The following KNOP1 variants were observed in gnomAD, a reference collection of about 807,000 sequenced individuals.
KNOP1 encodes lysine-rich nucleolar protein 1.
A neutral mutation model predicts 30.6 loss-of-function variants in KNOP1; 20 were observed. The ratio of observed to expected loss-of-function variants is 0.65; its 90% CI spans 0.46 to 0.95. The LOEUF is 0.95. Ranked by LOEUF, KNOP1 falls within the 40% of genes least tolerant of loss-of-function variation. KNOP1 has a pLI of 0.00. For synonymous variants in KNOP1, 204 were observed against 210.0 expected (o/e 0.97, Z 0.25); for missense variants, 540 against 562.0 (o/e 0.96, Z 0.40).
chr16:19,717,324 G>T lies in KNOP1; in HGVS notation c.-3+834C>A, dbSNP rs1007857821. 3 of 985,360 alleles carry T rather than the reference G, an allele frequency of 3.0e-6. No homozygotes were observed. The African/African-American group carries it at 5.2e-5, about 17-fold the overall frequency. The allele number at this position is 985,360 out of a possible 1,614,324, so 61.0% of individuals were successfully genotyped here. ...ATTTAAATAAGTGGGCAGAGATAAA[G>T]GAGCTTGCAAAGAAGAAGGTGCAAA... On this transcript the variant is annotated intron_variant, in intron 1 of 4. Transcript: ENST00000219837.
Position 19,707,008 on chromosome 16 carries a change from T to C in KNOP1, c.1279A>G (p.Lys427Glu). 1 of 1,614,140 alleles carries C rather than the reference T, an allele frequency of 6.2e-7. No individual in the cohort carries two copies. Among genetic ancestry groups the C allele is most frequent in the South Asian group, 1.1e-5 (1 of 91,072 alleles). Residue 427 changes from lysine (K) to glutamate (E), a missense_variant, in exon 5 of 5, where the codon AAG (lysine) becomes GAG (glutamate). Transcript: ENST00000219837. ...CCGAGGCCGGCTCCCCGGCTGTACT[T>C]CCAGCTCATGGCCCGGTCGTAGTCC... is the stretch of plus-strand genomic sequence containing the variant. ...QRDYDRAMSWKYSRGAGLGFS... is the reference protein window; with the variant it reads ...QRDYDRAMSWEYSRGAGLGFS...
chr16:19,706,639 C>G lies in KNOP1; in HGVS notation c.*271G>C. The G allele has an allele frequency of 2.4e-6, 1 of 414,634 alleles. No homozygotes were observed. Among genetic ancestry groups the G allele is most frequent in the Non-Finnish European group, 4.3e-6 (1 of 231,308 alleles). 25.7% of individuals were successfully genotyped at this position (414,634 alleles called of 1,614,324 possible). ...ATGAGCTGCCCTGCCCCAGTTCATC[C>G]AAGCCCATCAATATAGTTGTCCTCG... On this transcript the variant is annotated 3_prime_UTR_variant, in exon 5 of 5. Transcript: ENST00000219837.
In KNOP1 at chr16:19,710,675, G is replaced by T. The variant is rs369807212; in HGVS notation, c.988-89C>A. On this transcript the variant is annotated intron_variant, in intron 3 of 4. Transcript: ENST00000219837. The stretch of plus-strand genomic sequence containing the variant: ...AGGACAGAGACGGGGCTGGGGGAAC[G>T]GAACGTGGGAGGAACTAACACAGCT... The T allele has an allele frequency of 1.1e-4, 114 of 1,043,826 alleles. No individual in the cohort carries two copies. In the East Asian group the frequency reaches 2.1e-3, roughly 19 times the overall value. The allele number at this position is 1,043,826 out of a possible 1,614,324, so 64.7% of individuals were successfully genotyped here. A position where few individuals can be genotyped will look rare whatever the true frequency, so the allele number is the denominator to read the frequency against.
chr16:19,711,601 C>T (rs1015086244), intron 2 of KNOP1, among the ~76,000 whole-genome samples, 161 bp from the exon 3 acceptor site: 14 of 152,156 alleles, frequency 9.2e-5, no homozygotes, highest in Non-Finnish European at 1.9e-4. Context: ...CAGCAAAGCC[C>T]TTCCCATCCC....
intron 3 of KNOP1, among the ~76,000 whole-genome samples, chr16:19,711,041 T>C (rs1976691448): frequency 6.6e-6 from 1 of 151,954 alleles, no homozygotes; most frequent in Non-Finnish European, 1.5e-5. Flanking sequence ...CTCTAAATGC[T>C]CCTGAATTAG....
intron 4 of KNOP1, among the ~76,000 whole-genome samples, chr16:19,708,375 CTG>C (rs1976530936): frequency 6.6e-6 from 1 of 152,124 alleles, no homozygotes; most frequent in South Asian, 2.1e-4. Flanking sequence ...CCCAAGAAGA[CTG>C]TGACTCGGAA....
In KNOP1 at chr16:19,703,387, A is replaced by T. The variant is rs1976239670; in HGVS notation, c.*3523T>A. 1.3e-5 allele frequency: 2 copies of T among 151,752 alleles called. No homozygotes were observed. Among genetic ancestry groups the T allele is most frequent in the African/African-American group, 4.8e-5 (2 of 41,310 alleles). 9.4% of individuals were successfully genotyped at this position (151,752 alleles called of 1,614,324 possible). A position where few individuals can be genotyped will look rare whatever the true frequency, so the allele number is the denominator to read the frequency against. On this transcript the variant is annotated 3_prime_UTR_variant, in exon 5 of 5. Transcript: ENST00000219837. Reference sequence around the variant, plus strand: ...TCTTCCACATTTAGGGATCTTTGTGATTCCTCCGGCCCACCCAGAAACACG... The same window carrying T: ...TCTTCCACATTTAGGGATCTTTGTGTTTCCTCCGGCCCACCCAGAAACACG...
At chr16:19,708,820 C>T (rs1224838821) in intron 4 of KNOP1, among the ~76,000 whole-genome samples, 1 of 152,186 alleles carries the variant, frequency 6.6e-6, no homozygotes, top group East Asian at 1.9e-4. Flanking sequence ...AGTGAGAGGC[C>T]ATCTATGACC....
Position 19,710,557 on chromosome 16 carries a change from G to C in KNOP1, c.1017C>G (p.Ile339Met), listed in dbSNP as rs779272577. ...QVRRKALQEE[I>M]DRESGKTEAS... is the part of the protein sequence containing the mutation. Reference sequence around the variant, plus strand: ...CTTCCGTTTTGCCTGACTCGCGATCGATCTCTTCTTGCAAGGCCTTTCGCC... The same window carrying C: ...CTTCCGTTTTGCCTGACTCGCGATCCATCTCTTCTTGCAAGGCCTTTCGCC... The change falls in exon 4 of 5, where the codon ATC becomes ATG. Residue 339 changes from isoleucine (I) to methionine (M), a missense_variant. Physicochemically the swap from Ile to Met is conservative, Grantham distance 10. Coordinates refer to ENST00000219837, the MANE Select transcript of KNOP1 (RefSeq NM_001012991.3). 1 of 1,612,384 alleles carries C rather than the reference G, an allele frequency of 6.2e-7. No homozygotes were observed. Among genetic ancestry groups the C allele is most frequent in the Non-Finnish European group, 8.5e-7 (1 of 1,180,026 alleles).
At chr16:19,713,719 A>C (rs1216837255) in intron 2 of KNOP1, among the ~76,000 whole-genome samples, 2 of 152,240 alleles carry the variant, frequency 1.3e-5, no homozygotes, top group African/African-American at 4.8e-5. Flanking sequence ...AGCTACAGGC[A>C]CTACGTTATC....
chr16:19,706,010 G>C lies in KNOP1; in HGVS notation c.*900C>G, dbSNP rs1328364390. 1 of 152,250 alleles carries C rather than the reference G, an allele frequency of 6.6e-6. No homozygotes were observed. Among genetic ancestry groups the C allele is most frequent in the African/African-American group, 2.4e-5 (1 of 41,442 alleles). 9.4% of individuals were successfully genotyped at this position (152,250 alleles called of 1,614,324 possible). A position where few individuals can be genotyped will look rare whatever the true frequency, so the allele number is the denominator to read the frequency against. On this transcript the variant is annotated 3_prime_UTR_variant, in exon 5 of 5. Coordinates refer to ENST00000219837, the MANE Select transcript of KNOP1 (RefSeq NM_001012991.3). The stretch of plus-strand genomic sequence containing the variant: ...CACAAAAATCCTACCTCAGCACTTA[G>C]GGCCGAAGGGACACCAGTGGAAAAG...
intron 3 of KNOP1, 88 bp from the exon 4 acceptor site, chr16:19,710,674 C>G: frequency 9.3e-7 from 1 of 1,070,304 alleles, no homozygotes; most frequent in Non-Finnish European, 1.4e-6. Flanking sequence ...GCTGGGGGAA[C>G]GGAACGTGGG....
chr16:19,711,395 T>C lies in KNOP1; in HGVS notation c.964A>G (p.Met322Val), dbSNP rs1976713103. Reference protein sequence around the residue: ...LEVVLEKKGNMDEAHIDQVRR... With the variant: ...LEVVLEKKGNVDEAHIDQVRR... ...ACCTGGTCTATGTGCGCCTCATCCATGTTGCCTTTTTTTTCCAACACCACC... is the reference window on the plus strand; with the variant it reads ...ACCTGGTCTATGTGCGCCTCATCCACGTTGCCTTTTTTTTCCAACACCACC... Residue 322 changes from methionine (M) to valine (V), a missense_variant, in exon 3 of 5, where the codon ATG becomes GTG. By Grantham distance (21) the Met-to-Val change is conservative. Coordinates refer to ENST00000219837, the MANE Select transcript of KNOP1 (RefSeq NM_001012991.3). 1 of 1,614,168 alleles carries C rather than the reference T, an allele frequency of 6.2e-7. No homozygotes were observed. Among genetic ancestry groups the C allele is most frequent in the Non-Finnish European group, 8.5e-7 (1 of 1,180,026 alleles).
intron 1 of KNOP1, chr16:19,715,459 A>G (rs8060355): frequency 0.38 from 56,723 of 147,428 alleles, 16,610 homozygotes; most frequent in African/African-American, 0.83. Flanking sequence ...CTGTCACCCA[A>G]GCTGGAATGC....
At chr16:19,714,085 C>T (rs757007153) in intron 2 of KNOP1, 33 bp downstream of exon 2, 1 of 1,577,680 alleles carries the variant, frequency 6.3e-7, no homozygotes, top group Admixed American at 1.8e-5. Context: ...TTAATTCTCC[C>T]ACGGCAAAGT....
chr16:19,714,015 G>A (rs983577363), intron 2 of KNOP1, 103 bp downstream of exon 2: 3 of 985,560 alleles, frequency 3.0e-6, no homozygotes, highest in Middle Eastern at 3.4e-4. Flanking sequence ...CTAAAAGCAT[G>A]AGTACTCGTG....
rs908866311 is a variant in KNOP1, at chr16:19,708,867, A to C, written c.1065+1642T>G. ...GTTTTGGGGAGAGCAGGAGACTGCT[A>C]GCTGGTCCTGCGTGAACCAGCACTT... On this transcript the variant is annotated intron_variant, in intron 4 of 4. Transcript: ENST00000219837. 2.7e-4 allele frequency among the ~76,000 whole-genome samples: 41 copies of C among 152,068 alleles called. 1 individual carries two copies. The highest frequency in any genetic ancestry group is 9.4e-4 in the African/African-American group (39 of 41,402).
At position 19,702,605 on chromosome 16, in the gene KNOP1, A is replaced by G. The variant is rs891564693; in HGVS notation, c.*4305T>C. On this transcript the variant is annotated 3_prime_UTR_variant, in exon 5 of 5. Coordinates refer to ENST00000219837, the MANE Select transcript of KNOP1 (RefSeq NM_001012991.3). ...TTTCCCCCAGCCCTTTACTGAATCAATAAGCCGGTCTCTGAAAACACTGGT... is the reference window on the plus strand; with the variant it reads ...TTTCCCCCAGCCCTTTACTGAATCAGTAAGCCGGTCTCTGAAAACACTGGT... The G allele has an allele frequency of 3.9e-5, 6 of 152,150 alleles. No homozygotes were observed. The highest frequency in any genetic ancestry group is 1.4e-4 in the African/African-American group (6 of 41,444). The allele number at this position is 152,150 out of a possible 1,614,324, so 9.4% of individuals were successfully genotyped here.
Position 19,709,918 on chromosome 16 carries a change from G to A in KNOP1, c.1065+591C>T, listed in dbSNP as rs996636465. 1.1e-4 allele frequency among the ~76,000 whole-genome samples: 16 copies of A among 152,132 alleles called. 1 individual carries two copies. Among genetic ancestry groups the A allele is most frequent in the African/African-American group, 2.2e-4 (9 of 41,402 alleles). On this transcript the variant is annotated intron_variant, in intron 4 of 4. Coordinates refer to ENST00000219837, the MANE Select transcript of KNOP1 (RefSeq NM_001012991.3). Reference sequence around the variant, plus strand: ...GCTCTGGCCTCTAGACCGTGAGCGCGATGATGGGGATCACATGGGCTTCAT... The same window carrying A: ...GCTCTGGCCTCTAGACCGTGAGCGCAATGATGGGGATCACATGGGCTTCAT...
Sources: gnomAD v4.1 joint callset for allele counts (sites outside exome capture counted in the v4.1 genomes callset) on GRCh38, gnomAD v4.1.1 for gene constraint, MANE v1.5 for transcripts, NCBI Gene and HGNC (gene_info 2026-07-23, HGNC 2026-07-21) for gene names.